The following TATDN2 variants were observed in gnomAD, a reference collection of about 807,000 sequenced individuals.
TATDN2 encodes the protein 3'-5' RNA nuclease TATDN2.
A neutral mutation model predicts 60.3 loss-of-function variants in TATDN2; 44 were observed. That is an observed-to-expected ratio of 0.73 (90% confidence interval 0.57 to 0.94). The LOEUF (loss-of-function observed/expected upper bound fraction) is 0.94. Ranked by LOEUF, TATDN2 falls within the 40% of genes least tolerant of loss-of-function variation. TATDN2 has a pLI of 0.00. For missense variants in TATDN2, 997 were observed against 948.0 expected (o/e 1.05, Z -0.68); for synonymous variants, 399 against 355.8 (o/e 1.12, Z -1.37).
Position 10,270,157 on chromosome 3 carries a change from G to T in TATDN2, c.975G>T (p.Glu325Asp). 6.2e-7 allele frequency: 1 copy of T among 1,613,544 alleles called. No individual in the cohort carries two copies. The highest frequency in any genetic ancestry group is 8.5e-7 in the Non-Finnish European group (1 of 1,179,698). The change falls in exon 4 of 8, where the codon GAG (glutamate) becomes GAT (aspartate). Residue 325 changes from glutamate (E) to aspartate (D), a missense_variant. Physicochemically the swap from Glu to Asp is conservative, Grantham distance 45. Coordinates refer to ENST00000448281, the MANE Select transcript of TATDN2 (RefSeq NM_014760.4). ...QKHKDREVVM[E>D]HPSSGSDWSD... Reference sequence around the variant, plus strand: ...ATAAAGATAGGGAGGTGGTGATGGAGCACCCCTCTTCTGGAAGTGACTGGT... The same window carrying T: ...ATAAAGATAGGGAGGTGGTGATGGATCACCCCTCTTCTGGAAGTGACTGGT...
chr3:10,257,841 ATT>A (rs553265148), intron 2 of TATDN2, among the ~76,000 whole-genome samples: 977 of 30,130 alleles, frequency 0.032, no homozygotes, highest in Non-Finnish European at 0.055. Context: ...AAGGTTTATG[ATT>A]TTTTTTTTTT....
chr3:10,259,197 A>T (rs1698361210), intron 2 of TATDN2, among the ~76,000 whole-genome samples: 1 of 152,172 alleles, frequency 6.6e-6, no homozygotes, highest in African/African-American at 2.4e-5. Context: ...GGGTTTCGCC[A>T]TGTTGGCCAG....
rs1453306697 is a variant in TATDN2, at chr3:10,257,198, A to C, written c.415-2939A>C. Among the ~76,000 whole-genome samples the C allele has an allele frequency of 2.0e-5, 3 of 151,100 alleles. 1 individual carries two copies. The highest frequency in any genetic ancestry group is 3.9e-4 in the East Asian group (2 of 5,082). Reference sequence around the variant, plus strand: ...TTGGGAGGGAGGCTAAAGCACAAGAATTGCTTGAACCTCAGAGGCGGAGGT... The same window carrying C: ...TTGGGAGGGAGGCTAAAGCACAAGACTTGCTTGAACCTCAGAGGCGGAGGT... On this transcript the variant is annotated intron_variant, in intron 2 of 7. Transcript: ENST00000448281.
chr3:10,274,967 G>C (rs536995274), intron 4 of TATDN2, among the ~76,000 whole-genome samples: 6 of 151,802 alleles, frequency 4.0e-5, no homozygotes, highest in African/African-American at 1.4e-4. Flanking sequence ...TTAATATGAG[G>C]TAATTTGCTT....
chr3:10,276,584 A>G, intron 5 of TATDN2, 96 bp downstream of exon 5: 1 of 1,447,356 alleles, frequency 6.9e-7, no homozygotes, highest in Non-Finnish European at 9.2e-7. Context: ...ATTATACACT[A>G]TCTATTCTTT....
At position 10,279,633 on chromosome 3, in the gene TATDN2, C is replaced by A. The variant is rs567343413; in HGVS notation, c.*451C>A. The A allele has an allele frequency of 6.6e-6, 1 of 152,096 alleles. No individual in the cohort carries two copies. The highest frequency in any genetic ancestry group is 2.1e-4 in the South Asian group (1 of 4,806). The allele number at this position is 152,096 out of a possible 1,614,324, so 9.4% of individuals were successfully genotyped here. A position where few individuals can be genotyped will look rare whatever the true frequency, so the allele number is the denominator to read the frequency against. On this transcript the variant is annotated 3_prime_UTR_variant, in exon 8 of 8. Coordinates refer to ENST00000448281, the MANE Select transcript of TATDN2 (RefSeq NM_014760.4). Reference sequence around the variant, plus strand: ...CTCGGTTCTAAAAACAGACTTCCAACTGGGAAACTTTTTGGGGGAAATTAA... The same window carrying A: ...CTCGGTTCTAAAAACAGACTTCCAAATGGGAAACTTTTTGGGGGAAATTAA...
At chr3:10,276,201 C>T (rs964408951) in intron 4 of TATDN2, among the ~76,000 whole-genome samples, 160 bp from the exon 5 acceptor site, 3 of 152,326 alleles carry the variant, frequency 2.0e-5, no homozygotes, top group East Asian at 1.9e-4. Context: ...TGGGCACTAC[C>T]TGGCTCTATT....
At chr3:10,252,179 T>C (rs1477215958) in intron 2 of TATDN2, among the ~76,000 whole-genome samples, 2 of 150,984 alleles carry the variant, frequency 1.3e-5, no homozygotes, top group South Asian at 4.2e-4. Flanking sequence ...TTTTTTTTTT[T>C]GTAGAGATGA....
At position 10,260,382 on chromosome 3, in the gene TATDN2, T is replaced by C; in HGVS notation, c.660T>C (p.His220=). Residue 220 remains histidine (H), a synonymous_variant, in exon 3 of 8, where the codon CAT becomes CAC. Coordinates refer to ENST00000448281, the MANE Select transcript of TATDN2 (RefSeq NM_014760.4). ...CAAGCGCAGCAGAGCATCCCAGCCA[T>C]GGAGAAGGACCAGCCAGGAGTGAAG... The part of the protein sequence containing the change: ...AKPSAAEHPS[H]GEGPARSEGP... The C allele has an allele frequency of 1.2e-6, 2 of 1,613,992 alleles. No homozygotes were observed. The highest frequency in any genetic ancestry group is 1.7e-6 in the Non-Finnish European group (2 of 1,180,012).
At chr3:10,267,511 G>A (rs1472936744) in intron 3 of TATDN2, among the ~76,000 whole-genome samples, 1 of 152,112 alleles carries the variant, frequency 6.6e-6, no homozygotes, top group East Asian at 1.9e-4. Context: ...AACTGTATGT[G>A]GCAATTTTTA....
chr3:10,255,678 A>T (rs137868635), intron 2 of TATDN2, among the ~76,000 whole-genome samples: 2 of 152,308 alleles, frequency 1.3e-5, no homozygotes, highest in South Asian at 4.1e-4. Flanking sequence ...GCGGTGGCTC[A>T]TGCCTGTAAT....
At position 10,257,841 on chromosome 3, in the gene TATDN2, ATTTTTTTTTTTTTTTT is replaced by A. The variant is rs553265148; in HGVS notation, c.415-2276_415-2261del. Among the ~76,000 whole-genome samples, 82 of 30,310 alleles carry A rather than the reference ATTTTTTTTTTTTTTTT, an allele frequency of 2.7e-3. 1 individual carries two copies. The highest frequency in any genetic ancestry group is 4.9e-3 in the Non-Finnish European group (71 of 14,394). 19.9% of individuals were successfully genotyped at this position (30,310 alleles called of 152,430 possible). A position where few individuals can be genotyped will look rare whatever the true frequency, so the allele number is the denominator to read the frequency against. ...AAGTATAGATTTCTAAAGGTTTATG[ATTTTTTTTTTTTTTTT>A]TTTTTTTTTTTTTTTTTTTGGGAGA... On this transcript the variant is annotated intron_variant, in intron 2 of 7. Coordinates refer to ENST00000448281, the MANE Select transcript of TATDN2 (RefSeq NM_014760.4).
chr3:10,261,101 C>T (rs1020481423), intron 3 of TATDN2, among the ~76,000 whole-genome samples: 1 of 152,202 alleles, frequency 6.6e-6, no homozygotes, highest in Non-Finnish European at 1.5e-5. Context: ...TCTGGGCATT[C>T]TGGCCAGTGG....
intron 2 of TATDN2, among the ~76,000 whole-genome samples, chr3:10,256,735 A>G (rs1698313675): frequency 6.6e-6 from 1 of 151,982 alleles, no homozygotes; most frequent in Non-Finnish European, 1.5e-5. Context: ...TGTGTTGTAT[A>G]TGTGGCTACA....
Position 10,248,483 on chromosome 3 carries a change from A to G in TATDN2, c.-591A>G. 1 of 152,112 alleles carries G rather than the reference A, an allele frequency of 6.6e-6. No individual in the cohort carries two copies. Among genetic ancestry groups the G allele is most frequent in the East Asian group, 1.9e-4 (1 of 5,146 alleles). The allele number at this position is 152,112 out of a possible 1,614,324, so 9.4% of individuals were successfully genotyped here. On this transcript the variant is annotated 5_prime_UTR_variant, in exon 1 of 8. Transcript: ENST00000448281. ...TGTCGCTCTCCGGCCTGCGGGCCGC[A>G]GGGCTCGTTCCGGAGGGCGGGCGCC...
intron 2 of TATDN2, among the ~76,000 whole-genome samples, chr3:10,258,472 T>G (rs538643988): frequency 6.7e-6 from 1 of 149,104 alleles, no homozygotes; most frequent in Non-Finnish European, 1.5e-5. Context: ...TTATTTTGCT[T>G]CTTTTTTTTT....
At position 10,276,373 on chromosome 3, in the gene TATDN2, C is replaced by T. The variant is rs748783929; in HGVS notation, c.1846C>T (p.Gln616Ter). ...VPEQHKVFER[Q>*]LQLAVSLKKP... ...TGTCCTCTCCTAGGTATTTGAGAGA[C>T]AGCTGCAGCTGGCTGTGTCTCTAAA... Residue 616 changes from glutamine (Q) to a stop codon, truncating the protein, a stop_gained, in exon 5 of 8, where the codon CAG becomes TAG. Transcript: ENST00000448281. LOFTEE classifies it high-confidence loss of function. The T allele has an allele frequency of 1.9e-6, 3 of 1,613,922 alleles. No individual in the cohort carries two copies. Among genetic ancestry groups the T allele is most frequent in the Non-Finnish European group, 2.5e-6 (3 of 1,179,922 alleles).
chr3:10,271,160 A>C, intron 4 of TATDN2, 145 bp downstream of exon 4: 1 of 991,398 alleles, frequency 1.0e-6, no homozygotes, highest in South Asian at 2.3e-5. Flanking sequence ...CAGACCATCT[A>C]GATGCCATTT....
chr3:10,276,273 G>C (rs770883965), intron 4 of TATDN2, 88 bp from the exon 5 acceptor site: 22 of 1,502,806 alleles, frequency 1.5e-5, no homozygotes, highest in Non-Finnish European at 2.0e-5. Context: ...AGAGACACAG[G>C]GGGTGCCTGC....
Sources: allele counts gnomAD v4.1 joint callset (sites outside exome capture counted in the v4.1 genomes callset), GRCh38; gene constraint gnomAD v4.1.1; transcripts MANE v1.5; gene names NCBI Gene and HGNC (gene_info 2026-07-23, HGNC 2026-07-21).